The following EME2 variants were observed in gnomAD, a reference collection of about 807,000 sequenced individuals.
The protein encoded by EME2 is structure-specific endonuclease subunit EME2.
EME2 carries 58 observed loss-of-function variants against 41.9 expected under a neutral mutation model. The ratio of observed to expected loss-of-function variants is 1.38; its 90% confidence interval spans 1.12 to 1.72. The LOEUF is 1.72. Among genes scored for constraint, EME2 ranks in the 40% most tolerant of loss-of-function variants. The probability of loss-of-function intolerance (pLI) is 0.00; values close to 1 mark genes in which losing one functional copy is unlikely to be tolerated. For synonymous variants in EME2, 334 were observed against 239.3 expected (o/e 1.40, Z -3.65); for missense variants, 695 against 541.9 (o/e 1.28, Z -2.81).
In EME2 at chr16:1,776,292, C is replaced by T. The variant is rs1280573429; in HGVS notation, c.*54C>T. 6.3e-7 allele frequency: 1 copy of T among 1,579,432 alleles called. No individual in the cohort carries two copies. Among genetic ancestry groups the T allele is most frequent in the Non-Finnish European group, 8.6e-7 (1 of 1,157,640 alleles). On this transcript the variant is annotated 3_prime_UTR_variant, in exon 8 of 8. Transcript: ENST00000568449. ...CAGCCTTGGGGACAGACCAGACACCCTGGGCGGTGGGGGAGGACCCCCAGC... is the reference window on the plus strand; with the variant it reads ...CAGCCTTGGGGACAGACCAGACACCTTGGGCGGTGGGGGAGGACCCCCAGC...
rs1396732056 is a variant in EME2 at position 1,773,144 on chromosome 16, C to T, written c.-84C>T. Reference sequence around the variant, plus strand: ...TGGCGGGTCCGCGTCCTCAGCGGTCCGGCCGGAAGTCACCGGAAGAGGCCG... The same window carrying T: ...TGGCGGGTCCGCGTCCTCAGCGGTCTGGCCGGAAGTCACCGGAAGAGGCCG... On this transcript the variant is annotated 5_prime_UTR_variant, in exon 1 of 8. Coordinates refer to ENST00000568449, the MANE Select transcript of EME2 (RefSeq NM_001257370.2). 2.2e-6 allele frequency: 3 copies of T among 1,390,206 alleles called. No homozygotes were observed. Among genetic ancestry groups the T allele is most frequent in the East Asian group, 2.9e-5 (1 of 34,522 alleles). 86.1% of individuals were successfully genotyped at this position (1,390,206 alleles called of 1,614,324 possible).
At position 1,773,296 on chromosome 16, in the gene EME2, C is replaced by T. The variant is rs895980944; in HGVS notation, c.69C>T (p.Ser23=). ...GCCGGGGCCGGGGACGGGGCGGGAG[C>T]GGTCAGCGGCGACCTCCAACCTGGG... is the stretch of plus-strand genomic sequence containing the variant. ...CQGRGRGRGG[S]GQRRPPTWEI... The change falls in exon 1 of 8, where the codon AGC becomes AGT. Residue 23 remains serine, a synonymous_variant. Coordinates refer to ENST00000568449, the MANE Select transcript of EME2 (RefSeq NM_001257370.2). The T allele has an allele frequency of 3.4e-6, 5 of 1,487,024 alleles. No individual in the cohort carries two copies. The African/African-American group carries it at 7.3e-5, about 22-fold the overall frequency. The allele number at this position is 1,487,024 out of a possible 1,614,324, so 92.1% of individuals were successfully genotyped here.
At position 1,777,265 on chromosome 16, in the gene EME2, C is replaced by A. The variant is rs558488725; in HGVS notation, c.*1027C>A. On this transcript the variant is annotated 3_prime_UTR_variant, in exon 8 of 8. Transcript: ENST00000568449. ...GCACCTGCTTGAGGCCCGGCGGCAG[C>A]GGCAGACCCTCCAGCGTGTCTCCCG... is the stretch of plus-strand genomic sequence containing the variant. The A allele has an allele frequency of 5.0e-6, 8 of 1,610,472 alleles. No individual in the cohort carries two copies. The East Asian group carries it at 1.8e-4, about 36-fold the overall frequency.
rs749597063 is a variant in EME2, at chr16:1,775,863, GGC to G, written c.847_848del (p.Ala283LysfsTer26). ...AGRWAAGEPVARDGAGLQAAW... is the reference protein window; with the variant it reads ...AGRWAAGEPVXRDGAGLQAAW... ...GGCGCTGGGCAGCCGGCGAGCCAGTGGCAAGAGACGGCGCAGGGCTGCAGGCG... is the reference window on the plus strand; with the variant it reads ...GGCGCTGGGCAGCCGGCGAGCCAGTGAAGAGACGGCGCAGGGCTGCAGGCG... On this transcript the variant is annotated frameshift_variant, in exon 7 of 8. Coordinates refer to ENST00000568449, the MANE Select transcript of EME2 (RefSeq NM_001257370.2). LOFTEE classifies it high-confidence loss of function. The G allele has an allele frequency of 1.2e-6, 2 of 1,612,660 alleles. No individual in the cohort carries two copies. The highest frequency in any genetic ancestry group is 2.7e-5 in the African/African-American group (2 of 75,054).
At position 1,778,411 on chromosome 16, in the gene EME2, GCA is replaced by G; in HGVS notation, c.*2174_*2175del. On this transcript the variant is annotated 3_prime_UTR_variant, in exon 8 of 8. Transcript: ENST00000568449. ...CAGGCCCGCCCGCAGTGCAGTCCCA[GCA>G]GGGGCTGGGCCCCACGCTCACACTC... 1 of 1,605,772 alleles carries G rather than the reference GCA, an allele frequency of 6.2e-7. No individual in the cohort carries two copies. The highest frequency in any genetic ancestry group is 1.7e-5 in the Admixed American group (1 of 59,526).
intron 5 of EME2, 77 bp downstream of exon 5, chr16:1,775,485 A>G: frequency 6.3e-7 from 1 of 1,597,694 alleles, no homozygotes; most frequent in Non-Finnish European, 8.6e-7. Flanking sequence ...TTTGGTTCCC[A>G]GCGTGGTACA....
rs1341608595 is a variant in EME2, at chr16:1,776,302, G to C, written c.*64G>C. Reference sequence around the variant, plus strand: ...GACAGACCAGACACCCTGGGCGGTGGGGGAGGACCCCCAGCCACATGTGGA... The same window carrying C: ...GACAGACCAGACACCCTGGGCGGTGCGGGAGGACCCCCAGCCACATGTGGA... On this transcript the variant is annotated 3_prime_UTR_variant, in exon 8 of 8. Transcript: ENST00000568449. The C allele has an allele frequency of 6.5e-7, 1 of 1,539,160 alleles. No homozygotes were observed. The highest frequency in any genetic ancestry group is 8.9e-7 in the Non-Finnish European group (1 of 1,125,402).
At position 1,778,547 on chromosome 16, in the gene EME2, G is replaced by A. The variant is rs373297965; in HGVS notation, c.*2309G>A. On this transcript the variant is annotated 3_prime_UTR_variant, in exon 8 of 8. Transcript: ENST00000568449. ...AGTCACAGAAGGACTCGCCGGTCACGGGCACCGCACTGGGGATGGATGGCG... is the reference window on the plus strand; with the variant it reads ...AGTCACAGAAGGACTCGCCGGTCACAGGCACCGCACTGGGGATGGATGGCG... The A allele has an allele frequency of 1.7e-5, 27 of 1,607,918 alleles. No homozygotes were observed. The highest frequency in any genetic ancestry group is 1.7e-4 in the Middle Eastern group (1 of 5,746).
In EME2 at chr16:1,781,274, C is replaced by A. The variant is rs751778039; in HGVS notation, c.*5036C>A. On this transcript the variant is annotated 3_prime_UTR_variant, in exon 8 of 8. Coordinates refer to ENST00000568449, the MANE Select transcript of EME2 (RefSeq NM_001257370.2). ...AAGCATCTTTTTCTCCGACTGATTC[C>A]GTGTTCAGGTAATGTCTGCCTGCCT... 11 of 1,610,884 alleles carry A rather than the reference C, an allele frequency of 6.8e-6. No homozygotes were observed. The East Asian group carries it at 2.5e-4, about 36-fold the overall frequency.
intron 3 of EME2, among the ~76,000 whole-genome samples, 189 bp downstream of exon 3, chr16:1,774,541 C>T (rs571930196): frequency 6.6e-6 from 1 of 152,214 alleles, no homozygotes; most frequent in East Asian, 1.9e-4. Flanking sequence ...TGGGCACCTG[C>T]GGAGGCTACA....
chr16:1,773,455 C>A lies in EME2; in HGVS notation c.228C>A (p.Leu76=). 1 of 1,576,310 alleles carries A rather than the reference C, an allele frequency of 6.3e-7. No homozygotes were observed. Among genetic ancestry groups the A allele is most frequent in the East Asian group, 2.3e-5 (1 of 43,174 alleles). The change falls in exon 1 of 8, where the codon CTC becomes CTA. Residue 76 remains leucine (L), a synonymous_variant. Transcript: ENST00000568449. The part of the protein sequence containing the change: ...LLRPEQVLKR[L]AVCVDTAILE... ...GGCCGGAGCAGGTCCTGAAGCGCCT[C>A]GCGGTGTGCGTGGACACAGGTGCGG...
At position 1,776,710 on chromosome 16, in the gene EME2, T is replaced by G. The variant is rs1224437689; in HGVS notation, c.*472T>G. On this transcript the variant is annotated 3_prime_UTR_variant, in exon 8 of 8. Transcript: ENST00000568449. ...CACGGATACGTTTCAGCTCACGCCA[T>G]GTGGGTGTTAGACATCAACTCTACA... 3.2e-6 allele frequency: 1 copy of G among 309,824 alleles called. No individual in the cohort carries two copies. Among genetic ancestry groups the G allele is most frequent in the Non-Finnish European group, 6.0e-6 (1 of 166,050 alleles). 19.2% of individuals were successfully genotyped at this position (309,824 alleles called of 1,614,324 possible).
Position 1,779,629 on chromosome 16 carries a change from C to G in EME2, c.*3391C>G, listed in dbSNP as rs1199356668. The stretch of plus-strand genomic sequence containing the variant: ...GCGGGTCCCCAGAGCCAGGGTAGAC[C>G]CCCTGAGTCAGGAGCCCGGGCACAG... On this transcript the variant is annotated 3_prime_UTR_variant, in exon 8 of 8. Transcript: ENST00000568449. 1 of 152,288 alleles carries G rather than the reference C, an allele frequency of 6.6e-6. No homozygotes were observed. Among genetic ancestry groups the G allele is most frequent in the Non-Finnish European group, 1.5e-5 (1 of 68,086 alleles). The allele number at this position is 152,288 out of a possible 1,614,324, so 9.4% of individuals were successfully genotyped here. A position where few individuals can be genotyped will look rare whatever the true frequency, so the allele number is the denominator to read the frequency against.
In EME2 at chr16:1,777,890, C is replaced by T. The variant is rs559627334; in HGVS notation, c.*1652C>T. On this transcript the variant is annotated 3_prime_UTR_variant, in exon 8 of 8. Coordinates refer to ENST00000568449, the MANE Select transcript of EME2 (RefSeq NM_001257370.2). ...GAGGAGGCCTGGGGGCAGCCAGGGT[C>T]GCAGTGAGCCCGGGAGCTCCAGGCT... 1.4e-5 allele frequency: 23 copies of T among 1,611,876 alleles called. No individual in the cohort carries two copies. Among genetic ancestry groups the T allele is most frequent in the Middle Eastern group, 3.3e-4 (2 of 6,006 alleles).
At position 1,778,880 on chromosome 16, in the gene EME2, A is replaced by T. The variant is rs1160776770; in HGVS notation, c.*2642A>T. 2.6e-6 allele frequency: 1 copy of T among 379,066 alleles called. No homozygotes were observed. The highest frequency in any genetic ancestry group is 2.1e-5 in the African/African-American group (1 of 48,020). 23.5% of individuals were successfully genotyped at this position (379,066 alleles called of 1,614,324 possible). On this transcript the variant is annotated 3_prime_UTR_variant, in exon 8 of 8. Transcript: ENST00000568449. ...TGCCTGGCCTCCAAGTGGTTTCTAG[A>T]CGGTGGATAAGCCCCAGGTCCACCC... is the stretch of plus-strand genomic sequence containing the variant.
Position 1,775,966 on chromosome 16 carries a change from T to G in EME2, c.949T>G (p.Ser317Ala). ...TGATGCAGTTGTCACAGCCTTCCCC[T>G]CCCCCCGCCTTCTGCAGCAGGTGGG... ...VADAVVTAFP[S>A]PRLLQQALEA... Residue 317 changes from serine (S) to alanine (A), a missense_variant, in exon 7 of 8, where the codon TCC becomes GCC. Ser to Ala is a moderately conservative substitution (Grantham distance 99, BLOSUM62 1). Coordinates refer to ENST00000568449, the MANE Select transcript of EME2 (RefSeq NM_001257370.2). 1 of 1,608,358 alleles carries G rather than the reference T, an allele frequency of 6.2e-7. No homozygotes were observed.
rs1342246417 is a variant in EME2, at chr16:1,776,077, G to A, written c.979G>A (p.Ala327Thr). The A allele has an allele frequency of 6.2e-7, 1 of 1,608,852 alleles. No individual in the cohort carries two copies. The highest frequency in any genetic ancestry group is 8.5e-7 in the Non-Finnish European group (1 of 1,178,422). The change falls in exon 8 of 8, where the codon GCC becomes ACC. Residue 327 changes from alanine to threonine, a missense_variant. Transcript: ENST00000568449. ...CTTTGCCTGCTCCTAGGCGCTGGAGGCCTGCAGCACGGAGCGGGAGCGCAT... is the reference window on the plus strand; with the variant it reads ...CTTTGCCTGCTCCTAGGCGCTGGAGACCTGCAGCACGGAGCGGGAGCGCAT... ...SPRLLQQALE[A>T]CSTERERMGL...
At position 1,773,308 on chromosome 16, in the gene EME2, A is replaced by G. The variant is rs567517423; in HGVS notation, c.81A>G (p.Arg27=). 4 of 1,495,728 alleles carry G rather than the reference A, an allele frequency of 2.7e-6. No homozygotes were observed. In the African/African-American group the frequency reaches 4.4e-5, roughly 16 times the overall value. 92.7% of individuals were successfully genotyped at this position (1,495,728 alleles called of 1,614,324 possible). The change falls in exon 1 of 8, where the codon CGA becomes CGG. Residue 27 remains arginine, a synonymous_variant. Transcript: ENST00000568449. ...GRGRGGSGQR[R]PPTWEISDSD... ...GACGGGGCGGGAGCGGTCAGCGGCG[A>G]CCTCCAACCTGGGAGATCTCAGACT...
Position 1,777,391 on chromosome 16 carries a change from G to T in EME2, c.*1153G>T. On this transcript the variant is annotated 3_prime_UTR_variant, in exon 8 of 8. Coordinates refer to ENST00000568449, the MANE Select transcript of EME2 (RefSeq NM_001257370.2). ...CCTTCATGCTGCTCCGGGCCGCCGT[G>T]GAGCACACCATCGGGTAGAATCTCT... 6.3e-7 allele frequency: 1 copy of T among 1,591,792 alleles called. No homozygotes were observed.
Sources: gnomAD v4.1 joint callset for allele counts (sites outside exome capture counted in the v4.1 genomes callset) on GRCh38, gnomAD v4.1.1 for gene constraint, MANE v1.5 for transcripts, NCBI Gene and HGNC (gene_info 2026-07-23, HGNC 2026-07-21) for gene names.